Variants in KIF18A observed in about 807,000 individuals in gnomAD.
The protein encoded by KIF18A is kinesin family member 18A.
In KIF18A, 67 loss-of-function variants were observed where a neutral mutation model predicts 103.3. The ratio of observed to expected loss-of-function variants is 0.65; its 90% CI spans 0.53 to 0.79. The LOEUF (loss-of-function observed/expected upper bound fraction) is 0.79, where lower values mean the gene tolerates loss of function less well. Ranked by LOEUF, KIF18A falls within the 30% of genes least tolerant of loss-of-function variation. The pLI, the probability that KIF18A is intolerant of heterozygous loss-of-function variation, is 0.00. For missense variants in KIF18A, 1,032 were observed against 1,062.5 expected, an observed-to-expected ratio of 0.97 and a Z score of 0.40; for synonymous variants, 367 against 355.5, an observed-to-expected ratio of 1.03 and a Z score of -0.36.
chr11:28,068,933 C>T (rs1850973432), intron 11 of KIF18A, among the ~76,000 whole-genome samples: 1 of 152,160 alleles, frequency 6.6e-6, no homozygotes, highest in South Asian at 2.1e-4. Context: ...CACACACCCC[C>T]TTTCAAATCA....
At chr11:28,025,610 G>A (rs985565655) in intron 15 of KIF18A, among the ~76,000 whole-genome samples, 7 of 151,656 alleles carry the variant, frequency 4.6e-5, no homozygotes, top group African/African-American at 1.5e-4. Context: ...AATAAATTGC[G>A]TATTTATATA....
chr11:28,022,461 G>A (rs374754220), intron 16 of KIF18A, among the ~76,000 whole-genome samples: 102 of 152,036 alleles, frequency 6.7e-4, no homozygotes, highest in African/African-American at 2.3e-3. Flanking sequence ...TAGAGACGGG[G>A]TTTCACCATG....
At chr11:28,080,602 G>A (rs532048874) in intron 9 of KIF18A, among the ~76,000 whole-genome samples, 17 of 152,008 alleles carry the variant, frequency 1.1e-4, no homozygotes, top group Non-Finnish European at 2.2e-4. Flanking sequence ...ATCAAGTGTT[G>A]TGTGTGCTCT....
rs374307562 is a variant in KIF18A at position 28,083,139 on chromosome 11, A to C, written c.1149+30T>G. 6.4e-6 allele frequency: 10 copies of C among 1,571,558 alleles called. No individual in the cohort carries two copies. In the African/African-American group the frequency reaches 1.4e-4, roughly 22 times the overall value. ...AATTCTATAAATGAAGAACTGCGCA[A>C]GACTAGCATAAAAATATAAACAGAC... On this transcript the variant is annotated intron_variant, in intron 8 of 16. Transcript: ENST00000263181.
At chr11:28,085,777 G>GTT (rs1851219855) in intron 6 of KIF18A, among the ~76,000 whole-genome samples, 1 of 152,118 alleles carries the variant, frequency 6.6e-6, no homozygotes, top group South Asian at 2.1e-4. Flanking sequence ...TTTGTCTTGT[G>GTT]TCTTTATTTA....
intron 15 of KIF18A, among the ~76,000 whole-genome samples, chr11:28,032,344 C>T (rs1284017648): frequency 6.6e-6 from 1 of 151,864 alleles, no homozygotes; most frequent in Non-Finnish European, 1.5e-5. Flanking sequence ...CAATGACACT[C>T]TTCATAGAAA....
intron 9 of KIF18A, among the ~76,000 whole-genome samples, chr11:28,081,640 GAGA>G (rs1028352420): frequency 6.6e-6 from 1 of 152,144 alleles, no homozygotes; most frequent in Non-Finnish European, 1.5e-5. Flanking sequence ...GGAGATGGAC[GAGA>G]AGATTAATGT....
chr11:28,071,561 C>G (rs1851014777), intron 10 of KIF18A, among the ~76,000 whole-genome samples: 1 of 149,994 alleles, frequency 6.7e-6, no homozygotes, highest in Non-Finnish European at 1.5e-5. Flanking sequence ...TAAAATGAAT[C>G]AATGCATAAA....
rs954355166 is a variant in KIF18A at position 28,020,708 on chromosome 11, G to A, written c.*492C>T. On this transcript the variant is annotated 3_prime_UTR_variant, in exon 17 of 17. Coordinates refer to ENST00000263181, the MANE Select transcript of KIF18A (RefSeq NM_031217.4). ...AAATAATATTTACAATGATTTTATG[G>A]GCACATATATTTACACTTGTACATT... 4 of 151,740 alleles carry A rather than the reference G, an allele frequency of 2.6e-5. No individual in the cohort carries two copies. The highest frequency in any genetic ancestry group is 5.9e-5 in the Non-Finnish European group (4 of 67,920). 9.4% of individuals were successfully genotyped at this position (151,740 alleles called of 1,614,324 possible).
chr11:28,107,682 T>C (rs1851549892), intron 1 of KIF18A, among the ~76,000 whole-genome samples: 1 of 152,188 alleles, frequency 6.6e-6, no homozygotes, highest in South Asian at 2.1e-4. Flanking sequence ...TACGCTTATA[T>C]GTGAGTCTGA....
intron 13 of KIF18A, among the ~76,000 whole-genome samples, chr11:28,051,727 T>C (rs2133515425): frequency 6.6e-6 from 1 of 152,130 alleles, no homozygotes; most frequent in Admixed American, 6.6e-5. Context: ...AAAGTTAATA[T>C]CCCTTAGTGA....
intron 1 of KIF18A, among the ~76,000 whole-genome samples, chr11:28,100,032 G>T (rs527897633): frequency 6.6e-6 from 1 of 152,118 alleles, no homozygotes; most frequent in Non-Finnish European, 1.5e-5. Context: ...AAAGGTGACA[G>T]AATTTACTGA....
rs377684411 is a variant in KIF18A, at chr11:28,041,715, T to C, written c.1949-5051A>G. ...AAAATCGGTAACAAGGCTATTGCTA[T>C]AGCTTAAGCAAGAAATGACAGCTTG... On this transcript the variant is annotated intron_variant, in intron 13 of 16. Transcript: ENST00000263181. Among the ~76,000 whole-genome samples the C allele has an allele frequency of 2.0e-5, 3 of 152,004 alleles. No homozygotes were observed. The South Asian group carries it at 6.2e-4, about 31-fold the overall frequency.
intron 15 of KIF18A, among the ~76,000 whole-genome samples, chr11:28,031,180 G>A (rs1472407726): frequency 6.6e-6 from 1 of 152,164 alleles, no homozygotes; most frequent in Non-Finnish European, 1.5e-5. Flanking sequence ...TGTCGTTACT[G>A]GGTATATACC....
At chr11:28,024,986 T>G (rs553015046) in intron 15 of KIF18A, among the ~76,000 whole-genome samples, 2 of 152,158 alleles carry the variant, frequency 1.3e-5, no homozygotes, top group African/African-American at 4.8e-5. Flanking sequence ...AATTATAAAT[T>G]AGGCACAGTA....
At chr11:28,096,896 A>C (rs1179957907) in intron 2 of KIF18A, among the ~76,000 whole-genome samples, 2 of 149,760 alleles carry the variant, frequency 1.3e-5, no homozygotes, top group Admixed American at 6.6e-5. Context: ...TTTTTTTTTT[A>C]AAAAGGAAAT....
chr11:28,084,802 T>C lies in KIF18A; in HGVS notation c.904A>G (p.Asn302Asp), dbSNP rs764769066. The part of the protein sequence containing the change: ...INALADSKRK[N>D]QHIPYRNSKL... Reference sequence around the variant, plus strand: ...CTATTTCTGTAAGGGATATGCTGATTCTTTCTCTGAAAGCACAAAAAAGAG... The same window carrying C: ...CTATTTCTGTAAGGGATATGCTGATCCTTTCTCTGAAAGCACAAAAAAGAG... Residue 302 changes from asparagine to aspartate, a missense_variant, in exon 7 of 17, where the codon AAT becomes GAT. Coordinates refer to ENST00000263181, the MANE Select transcript of KIF18A (RefSeq NM_031217.4). The C allele has an allele frequency of 3.1e-6, 5 of 1,608,330 alleles. No homozygotes were observed. In the South Asian group the frequency reaches 5.6e-5, roughly 18 times the overall value.
chr11:28,045,013 A>C (rs958971988), intron 13 of KIF18A, among the ~76,000 whole-genome samples: 2 of 152,104 alleles, frequency 1.3e-5, no homozygotes, highest in African/African-American at 4.8e-5. Context: ...TTAAGTGGTT[A>C]AAAAAGTAAA....
At chr11:28,059,658 T>C (rs1525717) in intron 12 of KIF18A, among the ~76,000 whole-genome samples, 57,793 of 151,708 alleles carry the variant, frequency 0.38, 12,659 homozygotes, top group African/African-American at 0.61. Flanking sequence ...TCTCAAACAC[T>C]TAGCCTCAAG....
Sources: gnomAD v4.1 joint callset for allele counts (sites outside exome capture counted in the v4.1 genomes callset) on GRCh38, gnomAD v4.1.1 for gene constraint, MANE v1.5 for transcripts, NCBI Gene and HGNC (gene_info 2026-07-23, HGNC 2026-07-21) for gene names.